TENM4: variants seen among roughly 807,000 people sequenced by gnomAD.
The protein encoded by TENM4 is teneurin-4.
TENM4 carries 82 observed loss-of-function variants against 243.3 expected under a neutral mutation model. That is an observed-to-expected ratio of 0.34 (90% CI 0.28 to 0.40). The LOEUF is 0.40. Among genes scored for constraint, TENM4 ranks in the 10% least tolerant of loss-of-function variants. TENM4 has a pLI of 1.00. For synonymous variants in TENM4, 1,412 were observed against 1,456.3 expected (o/e 0.97, Z 0.69); for missense variants, 3,138 against 3,673.3 (o/e 0.85, Z 3.77).
intron 6 of TENM4, among the ~76,000 whole-genome samples, chr11:78,973,492 T>C (rs1857586797): frequency 6.6e-6 from 1 of 152,192 alleles, no homozygotes; most frequent in South Asian, 2.1e-4. Flanking sequence ...GAAATGTCTA[T>C]TCAGATCCAT....
intron 2 of TENM4, among the ~76,000 whole-genome samples, 176 bp downstream of exon 2, chr11:79,297,312 A>G (rs1161907357): frequency 6.6e-6 from 1 of 152,208 alleles, no homozygotes; most frequent in Non-Finnish European, 1.5e-5. Context: ...CCACAAGTGC[A>G]AGTAATACTC....
chr11:78,793,256 A>G (rs2136054693), intron 15 of TENM4, among the ~76,000 whole-genome samples: 1 of 152,288 alleles, frequency 6.6e-6, no homozygotes, highest in Admixed American at 6.5e-5. Flanking sequence ...AACTGATACA[A>G]GTAGGGGGTA....
chr11:79,175,213 A>G (rs1175402580), intron 3 of TENM4, among the ~76,000 whole-genome samples: 4 of 152,214 alleles, frequency 2.6e-5, no homozygotes, highest in African/African-American at 7.2e-5. Context: ...AAAATGTCCA[A>G]TGCCTATAGC....
intron 6 of TENM4, among the ~76,000 whole-genome samples, chr11:79,063,338 G>A (rs1340234465): frequency 2.0e-5 from 3 of 152,180 alleles, no homozygotes; most frequent in Admixed American, 6.5e-5. Context: ...TCCCGGGCAG[G>A]AATCACGAGG....
intron 18 of TENM4, among the ~76,000 whole-genome samples, chr11:78,762,693 G>A (rs550640516): frequency 7.9e-5 from 12 of 152,210 alleles, no homozygotes; most frequent in Admixed American, 3.9e-4. Flanking sequence ...AAATGAGTAG[G>A]GCTTACAGCA....
chr11:78,750,514 C>A (rs753458963), intron 19 of TENM4, among the ~76,000 whole-genome samples: 8 of 152,188 alleles, frequency 5.3e-5, no homozygotes, highest in Non-Finnish European at 1.0e-4. Flanking sequence ...CTACTCTAAG[C>A]CCGCCCTGTG....
In TENM4 at chr11:78,669,487, G is replaced by A. The variant is rs202161816; in HGVS notation, c.6858C>T (p.Ser2286=). The change falls in exon 32 of 34, where the codon AGC becomes AGT. Residue 2286 remains serine (S), a synonymous_variant. Coordinates refer to ENST00000278550, the MANE Select transcript of TENM4 (RefSeq NM_001098816.3). The surrounding 1 kb of genome is among the most constrained non-coding windows in gnomAD (Gnocchi z 6.4). ...LLIKAYNRAG[S]WSVRYRYDGL... ...CATCGTAGCGGTACCTGACACTCCA[G>A]CTGCCAGCCCGGTTGTAGGCCTTGA... 1.2e-6 allele frequency: 2 copies of A among 1,613,876 alleles called. No homozygotes were observed. The highest frequency in any genetic ancestry group is 2.7e-5 in the African/African-American group (2 of 75,038).
At chr11:79,362,491 A>G (rs1292443710) in intron 1 of TENM4, among the ~76,000 whole-genome samples, 3 of 152,204 alleles carry the variant, frequency 2.0e-5, no homozygotes, top group Non-Finnish European at 4.4e-5. Flanking sequence ...AGAGCACTTT[A>G]CTTGGAAGAC....
chr11:78,835,638 A>C (rs1006803165), intron 12 of TENM4, among the ~76,000 whole-genome samples: 2 of 152,154 alleles, frequency 1.3e-5, no homozygotes, highest in Non-Finnish European at 2.9e-5. Context: ...GGTGATCTTC[A>C]GGCCTCTGTT....
chr11:79,222,959 G>A (rs966553914), intron 2 of TENM4, among the ~76,000 whole-genome samples: 3 of 152,016 alleles, frequency 2.0e-5, no homozygotes, highest in African/African-American at 4.8e-5. Context: ...CGCAGGGAGG[G>A]AAACAACATA....
chr11:79,175,901 A>G (rs1310729080), intron 3 of TENM4, among the ~76,000 whole-genome samples: 2 of 152,104 alleles, frequency 1.3e-5, no homozygotes, highest in African/African-American at 4.8e-5. Flanking sequence ...CCTGGGCAAC[A>G]CAAGGAGACC....
At chr11:78,966,115 T>C (rs1857432675) in intron 6 of TENM4, among the ~76,000 whole-genome samples, 1 of 151,636 alleles carries the variant, frequency 6.6e-6, no homozygotes, top group South Asian at 2.1e-4. Context: ...TCCGGTTCCA[T>C]TACTTGCCAG....
intron 29 of TENM4, among the ~76,000 whole-genome samples, chr11:78,684,766 A>G (rs1858625605): frequency 6.6e-6 from 1 of 152,162 alleles, no homozygotes; most frequent in African/African-American, 2.4e-5. Flanking sequence ...CTTACCTCCT[A>G]GGCATATGCG....
At chr11:78,944,782 C>T (rs1856976131) in intron 6 of TENM4, among the ~76,000 whole-genome samples, 1 of 152,212 alleles carries the variant, frequency 6.6e-6, no homozygotes, top group African/African-American at 2.4e-5. Flanking sequence ...TGTATCTTCA[C>T]TTCCCTTTGC....
chr11:79,172,146 G>A (rs1286071144), intron 3 of TENM4, among the ~76,000 whole-genome samples: 2 of 152,106 alleles, frequency 1.3e-5, no homozygotes, highest in Non-Finnish European at 2.9e-5. Context: ...TAGAGACAGG[G>A]TCTTACTACG....
intron 4 of TENM4, among the ~76,000 whole-genome samples, chr11:79,131,082 A>C (rs1437822879): frequency 6.6e-6 from 1 of 152,146 alleles, no homozygotes; most frequent in Non-Finnish European, 1.5e-5. Flanking sequence ...AAAGAAAAGA[A>C]AACTAAAAGC....
At chr11:79,229,228 G>A (rs1250415619) in intron 2 of TENM4, among the ~76,000 whole-genome samples, 3 of 152,194 alleles carry the variant, frequency 2.0e-5, no homozygotes, top group African/African-American at 7.2e-5. Context: ...AAAGCTCAGG[G>A]AGCAGCCTTG....
At chr11:78,793,774 C>G (rs1240436837) in intron 15 of TENM4, among the ~76,000 whole-genome samples, 1 of 152,218 alleles carries the variant, frequency 6.6e-6, no homozygotes, top group Non-Finnish European at 1.5e-5. Context: ...GAGGAAACAG[C>G]TTGGAGACAT....
chr11:78,771,828 G>T (rs1210546889), intron 17 of TENM4, among the ~76,000 whole-genome samples: 2 of 152,230 alleles, frequency 1.3e-5, no homozygotes, highest in African/African-American at 4.8e-5. Context: ...AGGGCTGTCT[G>T]TGAGTGCAAC....
Sources: allele counts gnomAD v4.1 joint callset (sites outside exome capture counted in the v4.1 genomes callset), GRCh38; gene constraint gnomAD v4.1.1; non-coding constraint Gnocchi (gnomAD v3.1); transcripts MANE v1.5; gene names NCBI Gene and HGNC (gene_info 2026-07-23, HGNC 2026-07-21).